The following NDUFA10 variants were observed in gnomAD, a reference collection of about 807,000 sequenced individuals.
NDUFA10 encodes NADH:ubiquinone oxidoreductase subunit A10, also known as NADH dehydrogenase [ubiquinone] 1 alpha subcomplex subunit 10, mitochondrial.
Under a neutral mutation model 47.8 loss-of-function variants are expected in NDUFA10, and 40 were observed. The ratio of observed to expected loss-of-function variants is 0.84; its 90% CI spans 0.65 to 1.09. The LOEUF (loss-of-function observed/expected upper bound fraction) is 1.09, where lower values mean the gene tolerates loss of function less well. Ranked by LOEUF, NDUFA10 falls within the 50% of genes least tolerant of loss-of-function variation. The pLI, the probability that NDUFA10 is intolerant of heterozygous loss-of-function variation, is 0.00. For missense variants in NDUFA10, 413 were observed against 451.1 expected, an observed-to-expected ratio of 0.92 and a Z score of 0.76; for synonymous variants, 183 against 172.2, an observed-to-expected ratio of 1.06 and a Z score of -0.49.
chr2:239,910,372 A>G (rs2106470865), intron 4 of NDUFA10, among the ~76,000 whole-genome samples: 1 of 152,360 alleles, frequency 6.6e-6, no homozygotes, highest in African/African-American at 2.4e-5. Context: ...ACACCATGGA[A>G]TACTATGCAG....
intron 4 of NDUFA10, among the ~76,000 whole-genome samples, chr2:239,908,103 T>C (rs940754987): frequency 3.3e-5 from 5 of 152,114 alleles, no homozygotes; most frequent in East Asian, 1.9e-4. Flanking sequence ...TGTAGGGACA[T>C]GGATGAAGCT....
chr2:240,024,726 G>C (rs1304370503), intron 1 of NDUFA10, among the ~76,000 whole-genome samples: 5 of 152,212 alleles, frequency 3.3e-5, no homozygotes, highest in Admixed American at 1.3e-4. Context: ...TGTATGAAAC[G>C]ATTTCACTGA....
At chr2:239,961,340 G>A (rs1037472904) in intron 9 of NDUFA10, among the ~76,000 whole-genome samples, 154 bp from the exon 10 acceptor site, 2 of 152,250 alleles carry the variant, frequency 1.3e-5, no homozygotes, top group African/African-American at 4.8e-5. Context: ...TCTCCTGTGA[G>A]TGCAAGGATG....
intron 9 of NDUFA10, among the ~76,000 whole-genome samples, chr2:239,988,948 G>GCA (rs956326103): frequency 1.2e-4 from 17 of 143,604 alleles, no homozygotes; most frequent in South Asian, 6.7e-4. Context: ...GGGAGAAACA[G>GCA]CACACACACA....
chr2:240,022,382 C>G, intron 1 of NDUFA10, 42 bp from the exon 2 acceptor site: 1 of 1,613,312 alleles, frequency 6.2e-7, no homozygotes, highest in Middle Eastern at 1.7e-4. Context: ...TGTGACCACT[C>G]TGGTTCCTGT....
intron 6 of NDUFA10, among the ~76,000 whole-genome samples, chr2:240,010,986 T>A (rs994103528): frequency 6.6e-6 from 1 of 152,210 alleles, no homozygotes; most frequent in Non-Finnish European, 1.5e-5. Flanking sequence ...TCAAGCATTA[T>A]TCAAACAATC....
Position 240,011,691 on chromosome 2 carries a change from A to C in NDUFA10, c.675T>G (p.His225Gln), listed in dbSNP as rs1375907990. 1 of 1,611,904 alleles carries C rather than the reference A, an allele frequency of 6.2e-7. No homozygotes were observed. The highest frequency in any genetic ancestry group is 8.5e-7 in the Non-Finnish European group (1 of 1,178,030). Residue 225 changes from histidine (H) to glutamine (Q), a missense_variant, in exon 6 of 10, where the codon CAT becomes CAG. Physicochemically the swap from His to Gln is conservative, Grantham distance 24. Coordinates refer to ENST00000252711, the MANE Select transcript of NDUFA10 (RefSeq NM_004544.4). ...QRRIQKKGDPHEMKITSAYLQ... is the reference protein window; with the variant it reads ...QRRIQKKGDPQEMKITSAYLQ... ...GATAGGCAGAGGTGATCTTCATTTC[A>C]TGTGGCTAAACAGAAGCAGAAAAAT...
intron 4 of NDUFA10, among the ~76,000 whole-genome samples, chr2:239,936,969 A>C (rs1258389400): frequency 6.6e-6 from 1 of 152,224 alleles, no homozygotes; most frequent in Admixed American, 6.5e-5. Context: ...CAAAAAAATA[A>C]AAATAAAAAA....
intron 9 of NDUFA10, among the ~76,000 whole-genome samples, chr2:239,968,790 A>C (rs1370368219): frequency 6.6e-6 from 1 of 152,152 alleles, no homozygotes; most frequent in African/African-American, 2.4e-5. Context: ...GGGAGTTGCA[A>C]GCAGATGACT....
chr2:239,981,378 C>T (rs1695766683), intron 9 of NDUFA10, among the ~76,000 whole-genome samples: 1 of 151,602 alleles, frequency 6.6e-6, no homozygotes, highest in Admixed American at 6.6e-5. Context: ...GCGTCCAGAG[C>T]AGCGCTCCAG....
At chr2:240,000,770 G>A (rs187589280) in intron 8 of NDUFA10, among the ~76,000 whole-genome samples, 218 of 152,186 alleles carry the variant, frequency 1.4e-3, no homozygotes, top group African/African-American at 5.0e-3. Flanking sequence ...AATACTTACC[G>A]TCGTGTTACA....
Position 240,002,417 on chromosome 2 carries a change from T to C in NDUFA10, c.890+2793A>G, listed in dbSNP as rs903117214. On this transcript the variant is annotated intron_variant, in intron 8 of 9. Transcript: ENST00000252711. ...TCTAATGGAAGATTTGCTAGATTCC[T>C]TTCAAAAGACTTTCTAGAGAGCCAA... Among the ~76,000 whole-genome samples, 9 of 152,044 alleles carry C rather than the reference T, an allele frequency of 5.9e-5. No homozygotes were observed. The South Asian group carries it at 1.9e-3, about 32-fold the overall frequency.
intron 8 of NDUFA10, among the ~76,000 whole-genome samples, chr2:239,995,890 C>T (rs1696454786): frequency 6.6e-6 from 1 of 152,172 alleles, no homozygotes; most frequent in African/African-American, 2.4e-5. Context: ...AGATAATAAC[C>T]TAAGATAATA....
At chr2:240,014,970 C>A in intron 4 of NDUFA10, 110 bp from the exon 5 acceptor site, 3 of 1,461,252 alleles carry the variant, frequency 2.1e-6, no homozygotes, top group African/African-American at 1.4e-5. Context: ...CTCAAAGCCA[C>A]GTACCAATCT....
chr2:239,994,791 A>C (rs1696399802), intron 8 of NDUFA10, among the ~76,000 whole-genome samples: 1 of 152,138 alleles, frequency 6.6e-6, no homozygotes, highest in African/African-American at 2.4e-5. Flanking sequence ...ACAAACACAC[A>C]CACAAATATA....
downstream of NDUFA10, among the ~76,000 whole-genome samples, chr2:239,952,398 C>T (rs1003461879): frequency 2.0e-5 from 3 of 151,810 alleles, no homozygotes; most frequent in Admixed American, 2.0e-4. Flanking sequence ...ACTGTGCAGC[C>T]CGCAGCAAAC....
chr2:239,901,370 T>C (rs1468628800), intron 4 of NDUFA10, among the ~76,000 whole-genome samples: 1 of 151,902 alleles, frequency 6.6e-6, no homozygotes, highest in Non-Finnish European at 1.5e-5. Flanking sequence ...AAAATAATAC[T>C]AGTAATAAAT....
In NDUFA10 at chr2:239,945,633, C is replaced by T. The variant is rs4854071; in HGVS notation, c.294+44441G>A. Among the ~76,000 whole-genome samples the T allele has an allele frequency of 0.32, 48,562 of 152,138 alleles. 8,032 individuals are homozygous for T. The highest frequency in any genetic ancestry group is 0.42 in the East Asian group (2,161 of 5,148). On this transcript the variant is annotated intron_variant, in intron 4 of 5. Transcript: ENST00000419408. This position sits in a 1 kb window ranked among gnomAD's most constrained non-coding sequence, Gnocchi z 4.6. ...TGGTCCTTCATGAACAGTTTTCTCACGGAATGGATCGATTGGCCCTGGGAT... is the reference window on the plus strand; with the variant it reads ...TGGTCCTTCATGAACAGTTTTCTCATGGAATGGATCGATTGGCCCTGGGAT...
chr2:239,980,845 G>A (rs1695745177), intron 9 of NDUFA10, among the ~76,000 whole-genome samples: 1 of 152,210 alleles, frequency 6.6e-6, no homozygotes, highest in South Asian at 2.1e-4. Context: ...TCCCTGTGAG[G>A]TGACTCCTGA....
Sources: gnomAD v4.1 joint callset for allele counts (sites outside exome capture counted in the v4.1 genomes callset) on GRCh38, gnomAD v4.1.1 for gene constraint, Gnocchi (gnomAD v3.1) non-coding constraint, MANE v1.5 for transcripts, NCBI Gene and HGNC (gene_info 2026-07-23, HGNC 2026-07-21) for gene names.